CDK8: variants seen among roughly 807,000 people sequenced by gnomAD.
The protein encoded by CDK8 is cyclin-dependent kinase 8.
A neutral mutation model predicts 71.5 loss-of-function variants in CDK8; 29 were observed. That is an observed-to-expected ratio of 0.41 (90% confidence interval 0.30 to 0.55). The LOEUF (loss-of-function observed/expected upper bound fraction) is 0.55. Ranked by LOEUF, CDK8 falls within the 20% of genes least tolerant of loss-of-function variation. The pLI is 0.37. For missense variants in CDK8, 288 were observed against 572.6 expected (o/e 0.50, Z 5.07); for synonymous variants, 161 against 192.1 (o/e 0.84, Z 1.34).
At chr13:26,281,776 A>G (rs1268179162) in intron 1 of CDK8, among the ~76,000 whole-genome samples, 1 of 152,176 alleles carries the variant, frequency 6.6e-6, no homozygotes, top group African/African-American at 2.4e-5. Context: ...GCTCCAGAAG[A>G]TATTTACTCC....
intron 1 of CDK8, among the ~76,000 whole-genome samples, chr13:26,287,144 A>T (rs1159131238): frequency 1.3e-5 from 2 of 152,240 alleles, no homozygotes; most frequent in Non-Finnish European, 2.9e-5. Flanking sequence ...AGTACTGGGT[A>T]TCTACTCAGA....
At chr13:26,309,797 T>G (rs1384993863) in intron 1 of CDK8, among the ~76,000 whole-genome samples, 4 of 152,192 alleles carry the variant, frequency 2.6e-5, no homozygotes, top group Non-Finnish European at 5.9e-5. Context: ...ATTTTATTTA[T>G]TGATTTTTGA....
At chr13:26,332,727 T>G (rs1195362038) in intron 1 of CDK8, among the ~76,000 whole-genome samples, 1 of 152,196 alleles carries the variant, frequency 6.6e-6, no homozygotes, top group African/African-American at 2.4e-5. Context: ...ATATATGGCC[T>G]GTATTACTTT....
Position 26,353,696 on chromosome 13 carries a change from T to C in CDK8, c.316-44T>C, listed in dbSNP as rs12184578. 6,603 of 1,446,444 alleles carry C rather than the reference T, an allele frequency of 4.6e-3. 241 individuals carry two copies. In the African/African-American group the frequency reaches 0.082, roughly 18 times the overall value. 89.6% of individuals were successfully genotyped at this position (1,446,444 alleles called of 1,614,324 possible). On this transcript the variant is annotated intron_variant, in intron 3 of 12. Coordinates refer to ENST00000381527, the MANE Select transcript of CDK8 (RefSeq NM_001260.3). Reference sequence around the variant, plus strand: ...AAAATATTATACATCAAATTATCTTTTCCTTTTTTTAAGCTTCTGTTGATA... The same window carrying C: ...AAAATATTATACATCAAATTATCTTCTCCTTTTTTTAAGCTTCTGTTGATA...
chr13:26,270,574 A>G (rs1872269524), intron 1 of CDK8, among the ~76,000 whole-genome samples: 1 of 152,178 alleles, frequency 6.6e-6, no homozygotes, highest in African/African-American at 2.4e-5. Flanking sequence ...ACATCCAGGA[A>G]TCTCCTTTCT....
rs902057309 is a variant in CDK8 at position 26,254,889 on chromosome 13, C to T, written c.128+120C>T. The stretch of plus-strand genomic sequence containing the variant: ...GGGCTCTGACTTCCTCGACGCCGGC[C>T]TCTGGCTCCGCCAGCCAGGTTTGGG... On this transcript the variant is annotated intron_variant, in intron 1 of 12. Coordinates refer to ENST00000381527, the MANE Select transcript of CDK8 (RefSeq NM_001260.3). This position sits in a 1 kb window ranked among gnomAD's most constrained non-coding sequence, Gnocchi z 6.7. The T allele has an allele frequency of 1.1e-5, 15 of 1,398,482 alleles. No homozygotes were observed. The highest frequency in any genetic ancestry group is 2.3e-5 in the Admixed American group (1 of 42,724). The allele number at this position is 1,398,482 out of a possible 1,614,324, so 86.6% of individuals were successfully genotyped here.
intron 4 of CDK8, among the ~76,000 whole-genome samples, chr13:26,357,465 G>A (rs1464101085): frequency 6.6e-6 from 1 of 152,146 alleles, no homozygotes; most frequent in Admixed American, 6.6e-5. Flanking sequence ...TAAGAACAAA[G>A]TTATGTCTGT....
chr13:26,308,575 T>A (rs185409505), intron 1 of CDK8, among the ~76,000 whole-genome samples: 3 of 152,370 alleles, frequency 2.0e-5, no homozygotes, highest in Admixed American at 1.3e-4. Context: ...TAAGTTTTGG[T>A]CCCTGTTAGT....
At chr13:26,337,543 A>G (rs527611362) in intron 1 of CDK8, 24 bp from the exon 2 acceptor site, 2 of 1,054,450 alleles carry the variant, frequency 1.9e-6, no homozygotes, top group Non-Finnish European at 2.7e-6. Context: ...TTATCTATAT[A>G]TTAAAATAAC....
chr13:26,355,870 AC>A (rs1873875280), intron 4 of CDK8, among the ~76,000 whole-genome samples: 1 of 151,956 alleles, frequency 6.6e-6, no homozygotes, highest in South Asian at 2.1e-4. Flanking sequence ...TTTTTTTTTC[AC>A]TTGAAATACA....
chr13:26,268,256 AACACACACACACACACACACACACAC>A (rs3027999), intron 1 of CDK8, among the ~76,000 whole-genome samples: 4 of 116,766 alleles, frequency 3.4e-5, no homozygotes, highest in Admixed American at 1.7e-4. Flanking sequence ...CCCCTCCCCC[AACACACACACACACACACACACACAC>A]ACACACACAC....
chr13:26,389,875 G>C (rs537363838), intron 6 of CDK8, among the ~76,000 whole-genome samples: 1 of 152,202 alleles, frequency 6.6e-6, no homozygotes, highest in Non-Finnish European at 1.5e-5. Context: ...GCGGGCACCT[G>C]TAATCCCAGC....
chr13:26,395,192 T>TA (rs1875925706), intron 7 of CDK8, among the ~76,000 whole-genome samples: 1 of 152,226 alleles, frequency 6.6e-6, no homozygotes, highest in Non-Finnish European at 1.5e-5. Flanking sequence ...AAAGGCCATT[T>TA]AAAAGCTAAA....
intron 1 of CDK8, among the ~76,000 whole-genome samples, chr13:26,281,798 T>C: frequency 6.6e-6 from 1 of 151,828 alleles, no homozygotes; most frequent in Non-Finnish European, 1.5e-5. Flanking sequence ...GAGAAGTAAA[T>C]ATCGTAGAGA....
chr13:26,338,147 T>G (rs1228574021), intron 2 of CDK8, among the ~76,000 whole-genome samples: 1 of 152,060 alleles, frequency 6.6e-6, no homozygotes, highest in African/African-American at 2.4e-5. Flanking sequence ...AGGGAAGTAG[T>G]CTTTGGGTTA....
intron 1 of CDK8, among the ~76,000 whole-genome samples, chr13:26,336,049 A>G (rs1232000384): frequency 6.6e-6 from 1 of 152,072 alleles, no homozygotes; most frequent in African/African-American, 2.4e-5. Flanking sequence ...AGTTGTATAC[A>G]GTATCCAGTC....
chr13:26,277,966 T>G (rs1872616685), intron 1 of CDK8, among the ~76,000 whole-genome samples: 1 of 152,174 alleles, frequency 6.6e-6, no homozygotes, highest in Non-Finnish European at 1.5e-5. Flanking sequence ...GACCCCCAAG[T>G]GTAGAACTGT....
intron 1 of CDK8, among the ~76,000 whole-genome samples, chr13:26,271,536 T>C (rs985795081): frequency 3.3e-5 from 5 of 152,154 alleles, no homozygotes; most frequent in African/African-American, 1.2e-4. Context: ...CTGGGTACAG[T>C]GACTCATGGT....
intron 5 of CDK8, among the ~76,000 whole-genome samples, chr13:26,384,543 G>A (rs995956446): frequency 6.6e-6 from 1 of 152,164 alleles, no homozygotes; most frequent in Admixed American, 6.5e-5. Flanking sequence ...GTTAAACTGT[G>A]TTAAATGCCA....
Sources: gnomAD v4.1 joint callset for allele counts (sites outside exome capture counted in the v4.1 genomes callset) on GRCh38, gnomAD v4.1.1 for gene constraint, Gnocchi (gnomAD v3.1) non-coding constraint, MANE v1.5 for transcripts, NCBI Gene and HGNC (gene_info 2026-07-23, HGNC 2026-07-21) for gene names.